Variants in SYN2 observed in about 807,000 individuals in gnomAD.
SYN2 encodes synapsin-2.
Under a neutral mutation model 50.9 loss-of-function variants are expected in SYN2, and 19 were observed. That is an observed-to-expected ratio of 0.37 (90% CI 0.26 to 0.55). SYN2 has a LOEUF of 0.55. Ranked by LOEUF, SYN2 falls within the 20% of genes least tolerant of loss-of-function variation. The pLI is 0.81. For synonymous variants in SYN2, 255 were observed against 224.9 expected (o/e 1.13, Z -1.20); for missense variants, 587 against 576.4 (o/e 1.02, Z -0.19).
At chr3:12,169,990 T>G in intron 10 of SYN2, 84 bp downstream of exon 10, 1 of 1,471,458 alleles carries the variant, frequency 6.8e-7, no homozygotes, top group Non-Finnish European at 9.0e-7. Flanking sequence ...AAGAATGGAG[T>G]ACAGGCCAGA....
At chr3:12,101,873 T>A (rs982134775) in intron 1 of SYN2, among the ~76,000 whole-genome samples, 1 of 152,156 alleles carries the variant, frequency 6.6e-6, no homozygotes, top group Non-Finnish European at 1.5e-5. Flanking sequence ...AGGAAGGCAT[T>A]TAACAGCAAT....
At chr3:12,089,351 A>G (rs1695777243) in intron 1 of SYN2, among the ~76,000 whole-genome samples, 1 of 152,218 alleles carries the variant, frequency 6.6e-6, no homozygotes, top group Non-Finnish European at 1.5e-5. Flanking sequence ...AGACTTATTC[A>G]CTATCATGAG....
chr3:12,049,097 A>G (rs183852380), intron 1 of SYN2, among the ~76,000 whole-genome samples: 4 of 152,304 alleles, frequency 2.6e-5, no homozygotes, highest in Non-Finnish European at 4.4e-5. Context: ...GCACATGCTT[A>G]TCGAACACTT....
chr3:12,154,367 T>C (rs756180637), intron 5 of SYN2: 1 of 1,614,198 alleles, frequency 6.2e-7, no homozygotes, highest in South Asian at 1.1e-5. Flanking sequence ...ATTCAGACTT[T>C]CCCTCTGCAC....
chr3:12,177,297 T>G (rs1008609598), intron 10 of SYN2, among the ~76,000 whole-genome samples: 4 of 152,152 alleles, frequency 2.6e-5, no homozygotes, highest in Admixed American at 1.3e-4. Flanking sequence ...ATAAACTTCC[T>G]TAAAACATTA....
intron 7 of SYN2, among the ~76,000 whole-genome samples, chr3:12,166,965 C>T (rs973380333): frequency 6.6e-6 from 1 of 152,190 alleles, no homozygotes; most frequent in Non-Finnish European, 1.5e-5. Context: ...GTTCTAAGGA[C>T]AGTGAAAGGT....
At chr3:12,125,648 G>A (rs71624931) in intron 1 of SYN2, among the ~76,000 whole-genome samples, 7,502 of 152,118 alleles carry the variant, frequency 0.049, 206 homozygotes, top group Non-Finnish European at 0.066. Flanking sequence ...CTTATCATAG[G>A]AGGAATGTTT....
At chr3:12,007,495 C>T (rs1227605985) in intron 1 of SYN2, among the ~76,000 whole-genome samples, 1 of 152,186 alleles carries the variant, frequency 6.6e-6, no homozygotes, top group Non-Finnish European at 1.5e-5. Flanking sequence ...AGCGCAGTGA[C>T]TTACACAGGT....
chr3:12,178,506 C>T (rs1698142401), intron 10 of SYN2, among the ~76,000 whole-genome samples: 1 of 152,198 alleles, frequency 6.6e-6, no homozygotes, highest in Non-Finnish European at 1.5e-5. Context: ...GATTTCCTTT[C>T]CAATCATCTC....
At chr3:12,131,126 A>G (rs1034756393) in intron 1 of SYN2, among the ~76,000 whole-genome samples, 4 of 152,252 alleles carry the variant, frequency 2.6e-5, no homozygotes, top group Non-Finnish European at 5.9e-5. Flanking sequence ...GCAGCCCCAC[A>G]TTCCACTCAC....
At chr3:12,093,938 C>T (rs1178391611) in intron 1 of SYN2, among the ~76,000 whole-genome samples, 1 of 150,108 alleles carries the variant, frequency 6.7e-6, no homozygotes, top group African/African-American at 2.5e-5. Flanking sequence ...TTCACTGCAA[C>T]CTGTGCCTCT....
intron 5 of SYN2, chr3:12,159,196 G>A (rs1697565898): frequency 7.7e-6 from 2 of 261,242 alleles, no homozygotes; most frequent in South Asian, 1.0e-4. Flanking sequence ...AAATGCATGA[G>A]GACAGAAAAA....
At chr3:12,153,788 G>T in intron 5 of SYN2, 5 of 1,513,786 alleles carry the variant, frequency 3.3e-6, no homozygotes, top group Non-Finnish European at 4.6e-6. Context: ...AGATTCCTAC[G>T]TACCTTTCCA....
intron 1 of SYN2, among the ~76,000 whole-genome samples, chr3:12,135,607 C>T (rs1309843230): frequency 1.3e-5 from 2 of 152,194 alleles, no homozygotes; most frequent in Admixed American, 6.5e-5. Context: ...ACTCTAGGCT[C>T]TTTCAGGTCC....
chr3:12,117,187 TC>T (rs1696453380), intron 1 of SYN2, among the ~76,000 whole-genome samples: 1 of 152,196 alleles, frequency 6.6e-6, no homozygotes, highest in African/African-American at 2.4e-5. Context: ...CATGTCCTTT[TC>T]CCCACCTTCA....
At chr3:12,023,492 A>G (rs968706245) in intron 1 of SYN2, among the ~76,000 whole-genome samples, 35 of 152,018 alleles carry the variant, frequency 2.3e-4, no homozygotes, top group Non-Finnish European at 2.2e-4. Context: ...TTTTTCTGAG[A>G]GGATGGTGAA....
Position 12,004,884 on chromosome 3 carries a change from G to T in SYN2, c.333G>T (p.Arg111Ser). The stretch of plus-strand genomic sequence containing the variant: ...CCGCTCCCGCGCCCGCAGCCGCCAG[G>T]AAGGCCAAGGTGCTGCTGGTGGTCG... The part of the protein sequence containing the change: ...DAPAPAPAAA[R>S]KAKVLLVVDE... The change falls in exon 1 of 13, where the codon AGG (arginine) becomes AGT (serine). Residue 111 changes from arginine to serine, a missense_variant. Physicochemically the swap from Arg to Ser is moderately radical, Grantham distance 110 (BLOSUM62 -1). Transcript: ENST00000621198. 1.7e-6 allele frequency: 1 copy of T among 580,012 alleles called. No homozygotes were observed. The highest frequency in any genetic ancestry group is 1.9e-5 in the South Asian group (1 of 51,552). The allele number at this position is 580,012 out of a possible 1,614,324, so 35.9% of individuals were successfully genotyped here. A position where few individuals can be genotyped will look rare whatever the true frequency, so the allele number is the denominator to read the frequency against.
chr3:12,018,010 C>G (rs970982992), intron 1 of SYN2, among the ~76,000 whole-genome samples: 8 of 152,180 alleles, frequency 5.3e-5, no homozygotes, highest in Non-Finnish European at 1.2e-4. Context: ...ATCCTCCACA[C>G]AATAGAATCT....
chr3:12,043,915 A>G (rs1344670468), intron 1 of SYN2, among the ~76,000 whole-genome samples: 3 of 152,062 alleles, frequency 2.0e-5, no homozygotes, highest in Non-Finnish European at 2.9e-5. Flanking sequence ...CAGTTTATCT[A>G]CTTCAATTTT....
Sources: allele counts gnomAD v4.1 joint callset (sites outside exome capture counted in the v4.1 genomes callset), GRCh38; gene constraint gnomAD v4.1.1; transcripts MANE v1.5; gene names NCBI Gene and HGNC (gene_info 2026-07-23, HGNC 2026-07-21).